The following SPTLC3 variants were observed in gnomAD, a reference collection of about 807,000 sequenced individuals.
SPTLC3 encodes serine palmitoyltransferase long chain base subunit 3.
In SPTLC3, 36 loss-of-function variants were observed where a neutral mutation model predicts 59.3. That is an observed-to-expected ratio of 0.61 (90% CI 0.47 to 0.80). The LOEUF (loss-of-function observed/expected upper bound fraction) is 0.80. Ranked by LOEUF, SPTLC3 falls within the 30% of genes least tolerant of loss-of-function variation. The pLI is 0.00. For synonymous variants in SPTLC3, 257 were observed against 240.8 expected (o/e 1.07, Z -0.62); for missense variants, 625 against 685.1 (o/e 0.91, Z 0.98).
intron 6 of SPTLC3, among the ~76,000 whole-genome samples, chr20:13,101,384 C>T (rs1367961624): frequency 3.3e-5 from 5 of 152,212 alleles, no homozygotes; most frequent in South Asian, 2.1e-4. Flanking sequence ...GCTATGGTCC[C>T]TTGTGTAAAA....
intron 3 of SPTLC3, among the ~76,000 whole-genome samples, chr20:13,072,967 GTAA>G (rs1988501586): frequency 6.6e-6 from 1 of 152,208 alleles, no homozygotes; most frequent in Non-Finnish European, 1.5e-5. Context: ...TGGAGTACAT[GTAA>G]TAATTTAATA....
chr20:13,063,816 A>G (rs1988069107), intron 2 of SPTLC3, among the ~76,000 whole-genome samples: 1 of 150,900 alleles, frequency 6.6e-6, no homozygotes. Context: ...CACCACACCC[A>G]CTTAATTTGT....
At chr20:13,124,945 C>A (rs561619991) in intron 8 of SPTLC3, among the ~76,000 whole-genome samples, 1 of 152,162 alleles carries the variant, frequency 6.6e-6, no homozygotes, top group Non-Finnish European at 1.5e-5. Context: ...GAAGACATAG[C>A]GAAGACACCT....
rs1989540417 is a variant in SPTLC3 at position 13,099,759 on chromosome 20, A to G, written c.826+6182A>G. Among the ~76,000 whole-genome samples, 5 of 152,210 alleles carry G rather than the reference A, an allele frequency of 3.3e-5. No individual in the cohort carries two copies. The South Asian group carries it at 1.0e-3, about 32-fold the overall frequency. The stretch of plus-strand genomic sequence containing the variant: ...TTCTTGCTCTGCTATTCCCAAGATA[A>G]TACTAACTGCTTTAGTATGCAGTGA... On this transcript the variant is annotated intron_variant, in intron 6 of 11. Transcript: ENST00000399002.
intron 1 of SPTLC3, among the ~76,000 whole-genome samples, chr20:13,034,660 C>G (rs1252550201): frequency 3.3e-5 from 5 of 151,924 alleles, no homozygotes. Context: ...AGTACAGAGA[C>G]CTTCAGTAAA....
At chr20:13,021,580 A>G (rs967263927) in intron 1 of SPTLC3, among the ~76,000 whole-genome samples, 1 of 5,230 alleles carries the variant, frequency 1.9e-4, no homozygotes, top group Non-Finnish European at 3.5e-4. Flanking sequence ...CCCCACCTCC[A>G]CCAAAACTGT....
intron 1 of SPTLC3, among the ~76,000 whole-genome samples, chr20:13,046,493 A>T (rs1027765030): frequency 6.6e-6 from 1 of 152,120 alleles, no homozygotes; most frequent in African/African-American, 2.4e-5. Flanking sequence ...AAGTTCCAAC[A>T]TGTCTTCCTT....
chr20:13,027,487 G>C lies in SPTLC3; in HGVS notation c.117+18103G>C, dbSNP rs1011049263. 3.3e-5 allele frequency among the ~76,000 whole-genome samples: 5 copies of C among 151,974 alleles called. No individual in the cohort carries two copies. The South Asian group carries it at 1.0e-3, about 32-fold the overall frequency. On this transcript the variant is annotated intron_variant, in intron 1 of 11. Transcript: ENST00000399002. ...TTATAATGCCAGACACAGACACGCC[G>C]ACTCTACATTCAGGAATGCCTTCAA...
At chr20:13,157,185 C>T (rs1376412923) in intron 10 of SPTLC3, among the ~76,000 whole-genome samples, 1 of 151,914 alleles carries the variant, frequency 6.6e-6, no homozygotes, top group Non-Finnish European at 1.5e-5. Context: ...TGCCTGTAAT[C>T]CCAACACTTT....
chr20:13,030,087 C>T (rs1986359465), intron 1 of SPTLC3, among the ~76,000 whole-genome samples: 1 of 152,192 alleles, frequency 6.6e-6, no homozygotes, highest in South Asian at 2.1e-4. Context: ...GTTCAGTCCA[C>T]GGAGCTCAGC....
chr20:13,056,517 G>A (rs989852892), intron 2 of SPTLC3, among the ~76,000 whole-genome samples: 12 of 143,864 alleles, frequency 8.3e-5, no homozygotes, highest in Admixed American at 3.6e-4. Flanking sequence ...ATGCAATCTC[G>A]GCTCACTGCA....
intron 1 of SPTLC3, among the ~76,000 whole-genome samples, chr20:13,029,761 A>G (rs762635720): frequency 5.9e-5 from 9 of 152,192 alleles, no homozygotes; most frequent in Non-Finnish European, 1.3e-4. Flanking sequence ...TGTAATCTGT[A>G]AGGATACATT....
At chr20:13,105,950 A>G (rs1989868607) in intron 6 of SPTLC3, among the ~76,000 whole-genome samples, 1 of 152,240 alleles carries the variant, frequency 6.6e-6, no homozygotes, top group Non-Finnish European at 1.5e-5. Flanking sequence ...TGCCTAAAGC[A>G]AAAGTGAAAA....
chr20:13,115,118 T>G (rs1248145266), intron 7 of SPTLC3, among the ~76,000 whole-genome samples: 1 of 152,222 alleles, frequency 6.6e-6, no homozygotes, highest in Non-Finnish European at 1.5e-5. Flanking sequence ...TGTTCTTGTT[T>G]TCTGTATCAT....
At position 13,047,174 on chromosome 20, in the gene SPTLC3, T is replaced by C. The variant is rs372284011; in HGVS notation, c.118-1771T>C. On this transcript the variant is annotated intron_variant, in intron 1 of 11. Coordinates refer to ENST00000399002, the MANE Select transcript of SPTLC3 (RefSeq NM_018327.4). ...GATTTAAAATATTCATCTACCAGAC[T>C]GATTTGCTTTTCATCTATTTTTGTG... Among the ~76,000 whole-genome samples, 16 of 152,336 alleles carry C rather than the reference T, an allele frequency of 1.1e-4. No individual in the cohort carries two copies. The East Asian group carries it at 2.9e-3, about 28-fold the overall frequency.
At chr20:13,031,675 C>G (rs1026660479) in intron 1 of SPTLC3, among the ~76,000 whole-genome samples, 7 of 152,142 alleles carry the variant, frequency 4.6e-5, no homozygotes, top group African/African-American at 1.7e-4. Context: ...AGACACTACC[C>G]AAGTGATCTT....
intron 1 of SPTLC3, among the ~76,000 whole-genome samples, chr20:13,028,530 T>A (rs1986271806): frequency 2.6e-5 from 4 of 152,216 alleles, no homozygotes; most frequent in Admixed American, 2.6e-4. Flanking sequence ...CCTAGGAAGA[T>A]GTCCATATAT....
At chr20:13,134,159 A>G (rs569027934) in intron 9 of SPTLC3, among the ~76,000 whole-genome samples, 1 of 152,228 alleles carries the variant, frequency 6.6e-6, no homozygotes. Flanking sequence ...CTGACACATC[A>G]TAGGCCTTCA....
intron 8 of SPTLC3, among the ~76,000 whole-genome samples, chr20:13,125,165 C>G (rs777145067): frequency 6.6e-6 from 1 of 152,260 alleles, no homozygotes; most frequent in African/African-American, 2.4e-5. Flanking sequence ...AGCTCTGAGG[C>G]CCTCACCACT....
Sources: allele counts gnomAD v4.1 joint callset (sites outside exome capture counted in the v4.1 genomes callset), GRCh38; gene constraint gnomAD v4.1.1; transcripts MANE v1.5; gene names NCBI Gene and HGNC (gene_info 2026-07-23, HGNC 2026-07-21).